Variants in CASS4 observed in about 807,000 individuals in gnomAD.
CASS4 encodes cas scaffolding protein family member 4.
In CASS4, 22 loss-of-function variants were observed where a neutral mutation model predicts 54.2. That is an observed-to-expected ratio of 0.41 (90% CI 0.29 to 0.58). The LOEUF is 0.58. Ranked by LOEUF, CASS4 falls within the 20% of genes least tolerant of loss-of-function variation. The probability of loss-of-function intolerance (pLI) is 0.36; values close to 1 mark genes in which losing one functional copy is unlikely to be tolerated. For synonymous variants in CASS4, 409 were observed against 391.5 expected, an observed-to-expected ratio of 1.04 and a Z score of -0.53; for missense variants, 854 against 986.7, an observed-to-expected ratio of 0.87 and a Z score of 1.80.
rs1045818703 is a variant in CASS4, at chr20:56,460,175, G to A, written c.*1428G>A. On this transcript the variant is annotated 3_prime_UTR_variant, in exon 6 of 6. Transcript: ENST00000679887. ...TTTACAACATAACATGATCTGTTGG[G>A]TTCTCTATTAATTTATTTCATACAT... 1 of 152,358 alleles carries A rather than the reference G, an allele frequency of 6.6e-6. No homozygotes were observed. The highest frequency in any genetic ancestry group is 2.4e-5 in the African/African-American group (1 of 41,354). The allele number at this position is 152,358 out of a possible 1,614,324, so 9.4% of individuals were successfully genotyped here. A position where few individuals can be genotyped will look rare whatever the true frequency, so the allele number is the denominator to read the frequency against.
chr20:56,449,364 A>G (rs2065596286), intron 3 of CASS4, among the ~76,000 whole-genome samples: 1 of 152,186 alleles, frequency 6.6e-6, no homozygotes, highest in Admixed American at 6.5e-5. Flanking sequence ...CAAGGACAGA[A>G]AACCAAACAA....
At chr20:56,434,142 G>A (rs1453208466) in intron 1 of CASS4, among the ~76,000 whole-genome samples, 1 of 152,176 alleles carries the variant, frequency 6.6e-6, no homozygotes, top group Non-Finnish European at 1.5e-5. Flanking sequence ...GTGGAGGTGT[G>A]AATTGATTGA....
chr20:56,416,395 G>A (rs1363278131), intron 1 of CASS4, among the ~76,000 whole-genome samples: 1 of 152,202 alleles, frequency 6.6e-6, no homozygotes, highest in Non-Finnish European at 1.5e-5. Context: ...AAGACAAGGA[G>A]GATAAGTGGG....
chr20:56,457,997 A>G (rs182023799), intron 5 of CASS4, among the ~76,000 whole-genome samples: 54 of 149,818 alleles, frequency 3.6e-4, no homozygotes, highest in Non-Finnish European at 1.0e-4. Flanking sequence ...CCTGGAAGAT[A>G]AAGGAAAACT....
intron 3 of CASS4, among the ~76,000 whole-genome samples, chr20:56,448,126 A>G (rs1283884056): frequency 7.1e-6 from 1 of 141,098 alleles, no homozygotes; most frequent in Non-Finnish European, 1.5e-5. Flanking sequence ...TGGGAGACAG[A>G]GTGAGACTCT....
At chr20:56,417,311 A>G (rs935930582) in intron 1 of CASS4, among the ~76,000 whole-genome samples, 4 of 152,198 alleles carry the variant, frequency 2.6e-5, no homozygotes, top group South Asian at 2.1e-4. Flanking sequence ...GGCCCATTAG[A>G]TCCCACTCCG....
chr20:56,437,431 A>G lies in CASS4; in HGVS notation c.304A>G (p.Thr102Ala). 1 of 1,613,674 alleles carries G rather than the reference A, an allele frequency of 6.2e-7. No individual in the cohort carries two copies. Among genetic ancestry groups the G allele is most frequent in the Non-Finnish European group, 8.5e-7 (1 of 1,179,840 alleles). ...ASSEETYQVP[T>A]LPRPPTPGPV... ...CTCAGAGGAGACCTATCAGGTGCCC[A>G]CTCTACCCCGCCCTCCCACTCCAGG... The change falls in exon 2 of 6, where the codon ACT becomes GCT. Residue 102 changes from threonine (T) to alanine (A), a missense_variant. Physicochemically the swap from Thr to Ala is moderately conservative, Grantham distance 58. Transcript: ENST00000679887. The surrounding 1 kb of genome is among the most constrained non-coding windows in gnomAD (Gnocchi z 4.7).
At chr20:56,455,292 G>A (rs1222723146) in intron 5 of CASS4, among the ~76,000 whole-genome samples, 2 of 152,308 alleles carry the variant, frequency 1.3e-5, no homozygotes, top group South Asian at 4.1e-4. Flanking sequence ...AAGGAATGAA[G>A]CCAGTAGAAG....
rs369138889 is a variant in CASS4 at position 56,455,161 on chromosome 20, G to A, written c.1953+2032G>A. ...AAAAAAAAAAGTCAAAGATGTTATCGTTGTGCTTATTTTTATTGGTTTCCT... is the reference window on the plus strand; with the variant it reads ...AAAAAAAAAAGTCAAAGATGTTATCATTGTGCTTATTTTTATTGGTTTCCT... On this transcript the variant is annotated intron_variant, in intron 5 of 5. Coordinates refer to ENST00000679887, the MANE Select transcript of CASS4 (RefSeq NM_020356.4). Among the ~76,000 whole-genome samples the A allele has an allele frequency of 3.3e-5, 5 of 149,844 alleles. No individual in the cohort carries two copies. The South Asian group carries it at 6.3e-4, about 19-fold the overall frequency.
In CASS4 at chr20:56,413,679, A is replaced by AG; in HGVS notation, c.36+1185_36+1186insG. ...CAGAGCAAGACTCTGTCTCAAAAAA[A>AG]AAAAAAAAAAAAAAAAAAAAGTCAC... On this transcript the variant is annotated intron_variant, in intron 1 of 5. Coordinates refer to ENST00000679887, the MANE Select transcript of CASS4 (RefSeq NM_020356.4). Among the ~76,000 whole-genome samples the AG allele has an allele frequency of 3.5e-5, 5 of 144,848 alleles. 1 individual carries two copies. Among genetic ancestry groups the AG allele is most frequent in the East Asian group, 2.0e-4 (1 of 5,108 alleles).
chr20:56,414,658 T>G lies in CASS4; in HGVS notation c.36+2164T>G, dbSNP rs564009193. Among the ~76,000 whole-genome samples the G allele has an allele frequency of 1.3e-5, 2 of 152,182 alleles. No homozygotes were observed. Among genetic ancestry groups the G allele is most frequent in the South Asian group, 2.1e-4 (1 of 4,816 alleles). On this transcript the variant is annotated intron_variant, in intron 1 of 5. Coordinates refer to ENST00000679887, the MANE Select transcript of CASS4 (RefSeq NM_020356.4). The surrounding 1 kb of genome is among the most constrained non-coding windows in gnomAD (Gnocchi z 4.1). ...TCCCCATGAAATTCTGCTATTAATA[T>G]TATACAGATAGGCCGGGAGCGGTGG...
intron 5 of CASS4, chr20:56,453,656 A>G (rs748293964): frequency 6.5e-6 from 1 of 153,956 alleles, no homozygotes; most frequent in Non-Finnish European, 1.4e-5. Context: ...TGGGAGGCCA[A>G]CGCAGGAGGA....
At chr20:56,435,089 T>C (rs1027482378) in intron 1 of CASS4, among the ~76,000 whole-genome samples, 9 of 152,258 alleles carry the variant, frequency 5.9e-5, no homozygotes, top group African/African-American at 2.2e-4. Context: ...ATGTTCAATG[T>C]CTTTCTGGGT....
chr20:56,448,669 C>G (rs2146292353), intron 3 of CASS4, among the ~76,000 whole-genome samples: 1 of 152,308 alleles, frequency 6.6e-6, no homozygotes, highest in African/African-American at 2.4e-5. Flanking sequence ...AACTCTTTCT[C>G]TCTTTCTTTG....
chr20:56,439,412 T>A (rs924197923), intron 2 of CASS4, among the ~76,000 whole-genome samples: 1 of 151,946 alleles, frequency 6.6e-6, no homozygotes, highest in Non-Finnish European at 1.5e-5. Flanking sequence ...GGCTCATTCC[T>A]GTAATCCCAG....
chr20:56,437,538 C>A lies in CASS4; in HGVS notation c.411C>A (p.Pro137=). The part of the protein sequence containing the change: ...TAQVYEFPDP[P]TSARIICEKT... ...AAGTCTATGAATTCCCCGACCCTCC[C>A]ACCAGTGCCAGAATCATCTGTGAAA... Residue 137 remains proline (P), a synonymous_variant, in exon 2 of 6, where the codon CCC becomes CCA. Transcript: ENST00000679887. This position sits in a 1 kb window ranked among gnomAD's most constrained non-coding sequence, Gnocchi z 4.7. 6.4e-7 allele frequency: 1 copy of A among 1,569,244 alleles called. No homozygotes were observed. The highest frequency in any genetic ancestry group is 8.6e-7 in the Non-Finnish European group (1 of 1,159,138).
intron 1 of CASS4, among the ~76,000 whole-genome samples, chr20:56,420,895 T>C (rs568845072): frequency 5.5e-4 from 83 of 152,170 alleles, no homozygotes; most frequent in Non-Finnish European, 9.6e-4. Context: ...AAATAAGGAC[T>C]GGGGTGGGTT....
intron 2 of CASS4, among the ~76,000 whole-genome samples, chr20:56,439,313 T>A (rs1980347703): frequency 6.6e-6 from 1 of 151,896 alleles, no homozygotes; most frequent in Admixed American, 6.5e-5. Context: ...GGATTACAGG[T>A]GTGAGCCACC....
At chr20:56,434,209 A>T (rs1289286671) in intron 1 of CASS4, among the ~76,000 whole-genome samples, 1 of 152,114 alleles carries the variant, frequency 6.6e-6, no homozygotes, top group Non-Finnish European at 1.5e-5. Flanking sequence ...CCACCCACCG[A>T]CTTCCCACTG....
Sources: gnomAD v4.1 joint callset for allele counts (sites outside exome capture counted in the v4.1 genomes callset) on GRCh38, gnomAD v4.1.1 for gene constraint, Gnocchi (gnomAD v3.1) non-coding constraint, MANE v1.5 for transcripts, NCBI Gene and HGNC (gene_info 2026-07-23, HGNC 2026-07-21) for gene names.